HHIPL1: variants seen among roughly 807,000 people sequenced by gnomAD.
HHIPL1 encodes HHIP like 1, also known as HHIP-like protein 1.
In HHIPL1, 43 loss-of-function variants were observed where a neutral mutation model predicts 61.8. That is an observed-to-expected ratio of 0.70 (90% CI 0.55 to 0.90). HHIPL1 has a LOEUF of 0.90. Among genes scored for constraint, HHIPL1 ranks in the 40% least tolerant of loss-of-function variants. HHIPL1 has a pLI of 0.00. For missense variants in HHIPL1, 1,056 were observed against 1,157.7 expected (o/e 0.91, Z 1.28); for synonymous variants, 482 against 515.8 (o/e 0.93, Z 0.89).
At chr14:99,655,281 A>C (rs1003012866) in intron 2 of HHIPL1, among the ~76,000 whole-genome samples, 1 of 152,202 alleles carries the variant, frequency 6.6e-6, no homozygotes, top group Admixed American at 6.5e-5. Context: ...TCCTGGGTTC[A>C]AGTCACTTGA....
At chr14:99,627,558 A>G in the HHIPL1 span, among the ~76,000 whole-genome samples, 3 of 152,222 alleles carry the variant, frequency 2.0e-5, no homozygotes, top group Admixed American at 6.5e-5. This position sits in a 1 kb window ranked among gnomAD's most constrained non-coding sequence, Gnocchi z 4.4. Context: ...CATGATACTC[A>G]TTCAGGCCGG....
At chr14:99,624,329 A>T in the HHIPL1 span, among the ~76,000 whole-genome samples, 1 of 151,900 alleles carries the variant, frequency 6.6e-6, no homozygotes, top group Non-Finnish European at 1.5e-5. Flanking sequence ...GAGCAGTCTC[A>T]TCTCGGGTGT....
chr14:99,640,602 A>T (rs1406341565), upstream of HHIPL1, among the ~76,000 whole-genome samples: 2 of 152,264 alleles, frequency 1.3e-5, no homozygotes, highest in East Asian at 3.9e-4. Context: ...TTTAATTAAT[A>T]GACTTTTTGA....
intron 5 of HHIPL1, among the ~76,000 whole-genome samples, chr14:99,661,614 T>C (rs2056155406): frequency 1.3e-5 from 2 of 152,144 alleles, no homozygotes; most frequent in African/African-American, 4.8e-5. Flanking sequence ...ATTATAGGCA[T>C]GTGCCACCAC....
intron 3 of HHIPL1, 37 bp downstream of exon 3, chr14:99,657,180 C>G: frequency 6.2e-7 from 1 of 1,606,724 alleles, no homozygotes; most frequent in South Asian, 1.1e-5. Flanking sequence ...GGGTTGGTCT[C>G]CATATCCCTG....
chr14:99,626,290 G>GTGTA, the HHIPL1 span, among the ~76,000 whole-genome samples: 202 of 152,212 alleles, frequency 1.3e-3, no homozygotes, highest in African/African-American at 4.7e-3. Context: ...GTGTGTGTGT[G>GTGTA]TATGCATGTG....
intron 7 of HHIPL1, among the ~76,000 whole-genome samples, chr14:99,669,686 AGGCTGAAGTCGGAGAG>A (rs1380428035): frequency 1.7e-3 from 262 of 152,338 alleles, no homozygotes; most frequent in African/African-American, 5.8e-3. Flanking sequence ...GCACTTTGGG[AGGCTGAAGTCGGAGAG>A]TTTCATGAGC....
At position 99,665,014 on chromosome 14, in the gene HHIPL1, C is replaced by T. The variant is rs528766358; in HGVS notation, c.1648+1993C>T. 1.7e-4 allele frequency among the ~76,000 whole-genome samples: 26 copies of T among 152,016 alleles called. 1 individual carries two copies. The South Asian group carries it at 4.6e-3, about 27-fold the overall frequency. On this transcript the variant is annotated intron_variant, in intron 6 of 8. Transcript: ENST00000330710. ...ACTGCAACCTGCAACCTCCACCTCC[C>T]GGGTTCAAGCGATTCTCTCATACCT...
At chr14:99,627,473 T>A in the HHIPL1 span, among the ~76,000 whole-genome samples, 1,747 of 152,334 alleles carry the variant, frequency 0.011, 44 homozygotes, top group African/African-American at 0.04. The surrounding 1 kb of genome is among the most constrained non-coding windows in gnomAD (Gnocchi z 4.4). Flanking sequence ...TTCATTCAGT[T>A]CCCATCTCCT....
At position 99,676,642 on chromosome 14, in the gene HHIPL1, G is replaced by A. The variant is rs1322500459; in HGVS notation, c.*1016G>A. On this transcript the variant is annotated 3_prime_UTR_variant, in exon 9 of 9. Transcript: ENST00000330710. ...AAACTACTGACACTTTTTCACCCAGGGCTATGCCAATAATGTGGCTGTTTA... is the reference window on the plus strand; with the variant it reads ...AAACTACTGACACTTTTTCACCCAGAGCTATGCCAATAATGTGGCTGTTTA... 6.6e-6 allele frequency: 1 copy of A among 152,276 alleles called. No homozygotes were observed. The highest frequency in any genetic ancestry group is 1.5e-5 in the Non-Finnish European group (1 of 68,094). The allele number at this position is 152,276 out of a possible 1,614,324, so 9.4% of individuals were successfully genotyped here. A position where few individuals can be genotyped will look rare whatever the true frequency, so the allele number is the denominator to read the frequency against.
chr14:99,663,010 A>G lies in HHIPL1; in HGVS notation c.1637A>G (p.Glu546Gly). 1 of 1,608,062 alleles carries G rather than the reference A, an allele frequency of 6.2e-7. No individual in the cohort carries two copies. The highest frequency in any genetic ancestry group is 8.5e-7 in the Non-Finnish European group (1 of 1,177,464). ...NYYPYIISFG[E>G]DEAGELYFMS... is the part of the protein sequence containing the mutation. ...TACCCGTACATCATCTCCTTCGGGG[A>G]GGACGAGGCCGGTGAGCACTCCTGA... is the stretch of plus-strand genomic sequence containing the variant. The change falls in exon 6 of 9, where the codon GAG becomes GGG. Residue 546 changes from glutamate to glycine, a missense_variant. Transcript: ENST00000330710.
chr14:99,617,423 G>A, the HHIPL1 span, among the ~76,000 whole-genome samples: 1 of 152,110 alleles, frequency 6.6e-6, no homozygotes, highest in Non-Finnish European at 1.5e-5. Context: ...GTCTAGAATT[G>A]AAAAATCAAG....
the HHIPL1 span, among the ~76,000 whole-genome samples, chr14:99,633,636 C>T: frequency 4.6e-5 from 7 of 152,184 alleles, no homozygotes; most frequent in African/African-American, 1.4e-4. Context: ...GGGAAATGTT[C>T]GAAATTGGGT....
At chr14:99,673,054 G>A (rs1489475787) in intron 8 of HHIPL1, among the ~76,000 whole-genome samples, 2 of 152,192 alleles carry the variant, frequency 1.3e-5, no homozygotes, top group Non-Finnish European at 2.9e-5. Context: ...CCAATTCAAA[G>A]TGTTGGCGAC....
chr14:99,640,474 A>G (rs891575626), upstream of HHIPL1, among the ~76,000 whole-genome samples: 2 of 151,982 alleles, frequency 1.3e-5, no homozygotes, highest in Non-Finnish European at 2.9e-5. Flanking sequence ...TTGTCGAGAC[A>G]GGGCTTTGCC....
intron 1 of HHIPL1, among the ~76,000 whole-genome samples, chr14:99,646,030 C>A (rs1318004953): frequency 6.6e-6 from 1 of 152,248 alleles, no homozygotes; most frequent in Non-Finnish European, 1.5e-5. Context: ...GGGTGCTGTG[C>A]CCTCTCCTGG....
rs115710347 is a variant in HHIPL1 at position 99,650,201 on chromosome 14, C to T, written c.256-2023C>T. Among the ~76,000 whole-genome samples the T allele has an allele frequency of 4.1e-3, 620 of 152,324 alleles. 4 individuals are homozygous for T. Among genetic ancestry groups the T allele is most frequent in the African/African-American group, 0.014 (582 of 41,578 alleles). ...CCTGGCCTGGGGCTTGAGAACACCC[C>T]GGGAGGCAGCCTGCCATCCCCCATC... is the stretch of plus-strand genomic sequence containing the variant. On this transcript the variant is annotated intron_variant, in intron 1 of 8. Transcript: ENST00000330710.
chr14:99,636,923 T>C, the HHIPL1 span, among the ~76,000 whole-genome samples: 1 of 144,320 alleles, frequency 6.9e-6, no homozygotes. Flanking sequence ...TGAGCTGTGA[T>C]TGCACCACTG....
At chr14:99,609,346 G>A in the HHIPL1 span, among the ~76,000 whole-genome samples, 3 of 152,118 alleles carry the variant, frequency 2.0e-5, no homozygotes, top group East Asian at 1.9e-4. Flanking sequence ...GGGGAGCCAC[G>A]CTTCCTTTCC....
Sources: gnomAD v4.1 joint callset for allele counts (sites outside exome capture counted in the v4.1 genomes callset) on GRCh38, gnomAD v4.1.1 for gene constraint, Gnocchi (gnomAD v3.1) non-coding constraint, MANE v1.5 for transcripts, NCBI Gene and HGNC (gene_info 2026-07-23, HGNC 2026-07-21) for gene names.